Variants in TCF4 observed in about 807,000 individuals in gnomAD.
TCF4 encodes the protein transcription factor 4.
Under a neutral mutation model 82.1 loss-of-function variants are expected in TCF4, and 3 were observed. The observed-to-expected ratio is 0.04, with a 90% CI of 0.02 to 0.09. TCF4 has a LOEUF of 0.09. Ranked by LOEUF, TCF4 falls within the 10% of genes least tolerant of loss-of-function variation. The pLI is 1.00. For synonymous variants in TCF4, 276 were observed against 309.6 expected (o/e 0.89, Z 1.14); for missense variants, 518 against 852.7 (o/e 0.61, Z 4.89).
chr18:55,341,815 G>A (rs1317448654), intron 8 of TCF4, among the ~76,000 whole-genome samples: 1 of 152,158 alleles, frequency 6.6e-6, no homozygotes, highest in Non-Finnish European at 1.5e-5. Flanking sequence ...GTTACACTTT[G>A]TGGGTTATTT....
At chr18:55,513,872 T>TA (rs1309962179) in intron 3 of TCF4, among the ~76,000 whole-genome samples, 1 of 152,174 alleles carries the variant, frequency 6.6e-6, no homozygotes, top group South Asian at 2.1e-4. Context: ...ACATATGCAT[T>TA]AAAGTTTGAG....
At chr18:55,635,653 G>A in intron 1 of TCF4, 5 of 1,512,084 alleles carry the variant, frequency 3.3e-6, no homozygotes, top group Non-Finnish European at 3.5e-6. Context: ...GATCATTTTT[G>A]GTTTCAGTTT....
intron 2 of TCF4, among the ~76,000 whole-genome samples, chr18:55,622,867 CTTCT>C (rs1477080158): frequency 4.0e-5 from 5 of 125,882 alleles, no homozygotes; most frequent in Admixed American, 2.0e-4. Context: ...GATTTAAAAA[CTTCT>C]TTCTCCACTC....
chr18:55,239,146 A>G (rs1272127871), intron 15 of TCF4, among the ~76,000 whole-genome samples: 1 of 152,252 alleles, frequency 6.6e-6, no homozygotes, highest in Admixed American at 6.5e-5. Context: ...ATTAAATGTC[A>G]TTAGATATGC....
chr18:55,260,753 C>T (rs1449676664), intron 12 of TCF4, among the ~76,000 whole-genome samples: 1 of 152,038 alleles, frequency 6.6e-6, no homozygotes, highest in African/African-American at 2.4e-5. Flanking sequence ...AGTGACAGGG[C>T]TTCACCGTGT....
In TCF4 at chr18:55,225,077, C is replaced by G. The variant is rs1357624643; in HGVS notation, c.*2958G>C. 1 of 152,076 alleles carries G rather than the reference C, an allele frequency of 6.6e-6. No homozygotes were observed. The highest frequency in any genetic ancestry group is 2.4e-5 in the African/African-American group (1 of 41,404). 9.4% of individuals were successfully genotyped at this position (152,076 alleles called of 1,614,324 possible). A position where few individuals can be genotyped will look rare whatever the true frequency, so the allele number is the denominator to read the frequency against. On this transcript the variant is annotated 3_prime_UTR_variant, in exon 20 of 20. Transcript: ENST00000354452. ...AAAACACACTAAAAAGGCCACATTCCCTTTTTTTCTTTTTTAATGGGGATA... is the reference window on the plus strand; with the variant it reads ...AAAACACACTAAAAAGGCCACATTCGCTTTTTTTCTTTTTTAATGGGGATA...
At chr18:55,457,864 T>C (rs2095796557) in intron 5 of TCF4, among the ~76,000 whole-genome samples, 1 of 152,230 alleles carries the variant, frequency 6.6e-6, no homozygotes. Flanking sequence ...TTCAGAGTTG[T>C]AATAATGGGT....
chr18:55,392,004 C>A (rs1483742663), intron 6 of TCF4, among the ~76,000 whole-genome samples: 2 of 115,362 alleles, frequency 1.7e-5, no homozygotes, highest in African/African-American at 7.0e-5. Flanking sequence ...CGCTCTGTCA[C>A]CCAGGCTGCA....
chr18:55,423,288 A>G (rs1465232626), intron 5 of TCF4, among the ~76,000 whole-genome samples: 1 of 152,162 alleles, frequency 6.6e-6, no homozygotes, highest in Non-Finnish European at 1.5e-5. Context: ...CACTGCAGTA[A>G]GAGTCACAAT....
At chr18:55,236,530 C>A (rs1285281921) in intron 15 of TCF4, among the ~76,000 whole-genome samples, 1 of 151,928 alleles carries the variant, frequency 6.6e-6, no homozygotes, top group Non-Finnish European at 1.5e-5. Flanking sequence ...AGTCTGCTCT[C>A]TTATAGGCAG....
At chr18:55,231,728 C>T (rs540273848) in intron 17 of TCF4, 2 of 152,280 alleles carry the variant, frequency 1.3e-5, no homozygotes, top group South Asian at 4.1e-4. Context: ...TCAATAATTA[C>T]AACAGCAACA....
At chr18:55,631,642 A>G (rs1195797068) in intron 1 of TCF4, among the ~76,000 whole-genome samples, 4 of 152,330 alleles carry the variant, frequency 2.6e-5, no homozygotes, top group African/African-American at 9.6e-5. Flanking sequence ...AAATTGACGC[A>G]TGTCAAAAAC....
intron 6 of TCF4, among the ~76,000 whole-genome samples, chr18:55,391,369 T>A (rs908682172): frequency 6.6e-5 from 10 of 152,294 alleles, no homozygotes; most frequent in East Asian, 3.9e-4. Context: ...ATATATTTTT[T>A]AATTTTCAAT....
intron 3 of TCF4, among the ~76,000 whole-genome samples, chr18:55,492,692 T>C (rs560312353): frequency 6.6e-6 from 1 of 152,300 alleles, no homozygotes; most frequent in East Asian, 1.9e-4. Context: ...GGATGAGATA[T>C]TGCTGGTCCT....
chr18:55,267,223 A>G (rs1273848167), intron 11 of TCF4: 1 of 152,110 alleles, frequency 6.6e-6, no homozygotes, highest in East Asian at 1.9e-4. Flanking sequence ...CTATTTGCCA[A>G]TTATTTAATT....
intron 7 of TCF4, among the ~76,000 whole-genome samples, chr18:55,350,660 A>G (rs1361227704): frequency 6.6e-6 from 1 of 152,038 alleles, no homozygotes; most frequent in South Asian, 2.1e-4. Context: ...AGAAAACTAG[A>G]CATAAGCAGA....
chr18:55,516,149 G>A (rs1004636380), intron 3 of TCF4, among the ~76,000 whole-genome samples: 1 of 152,146 alleles, frequency 6.6e-6, no homozygotes, highest in Non-Finnish European at 1.5e-5. Flanking sequence ...GCTGTAGATG[G>A]AAAAGATGAC....
At chr18:55,516,620 AGT>A (rs985418095) in intron 3 of TCF4, among the ~76,000 whole-genome samples, 1 of 152,150 alleles carries the variant, frequency 6.6e-6, no homozygotes, top group African/African-American at 2.4e-5. Context: ...AATCTTCAAG[AGT>A]GTGGTCAGGG....
intron 5 of TCF4, among the ~76,000 whole-genome samples, chr18:55,452,102 T>C (rs909074258): frequency 1.3e-5 from 2 of 152,154 alleles, no homozygotes; most frequent in African/African-American, 4.8e-5. Flanking sequence ...CACTGTTTAT[T>C]TCACATCCTG....
Sources: allele counts gnomAD v4.1 joint callset (sites outside exome capture counted in the v4.1 genomes callset), GRCh38; gene constraint gnomAD v4.1.1; transcripts MANE v1.5; gene names NCBI Gene and HGNC (gene_info 2026-07-23, HGNC 2026-07-21).